TESK2: variants seen among roughly 807,000 people sequenced by gnomAD.
TESK2 encodes the protein dual specificity testis-specific protein kinase 2.
In TESK2, 39 loss-of-function variants were observed where a neutral mutation model predicts 57.1. The observed-to-expected ratio is 0.68, with a 90% CI of 0.53 to 0.89. TESK2 has a LOEUF of 0.89. Ranked by LOEUF, TESK2 falls within the 40% of genes least tolerant of loss-of-function variation. TESK2 has a pLI of 0.00. For missense variants in TESK2, 646 were observed against 732.1 expected, an observed-to-expected ratio of 0.88 and a Z score of 1.36; for synonymous variants, 249 against 267.9, an observed-to-expected ratio of 0.93 and a Z score of 0.69.
At chr1:45,482,296 G>A (rs1420924410) in intron 1 of TESK2, among the ~76,000 whole-genome samples, 1 of 152,132 alleles carries the variant, frequency 6.6e-6, no homozygotes, top group Non-Finnish European at 1.5e-5. Context: ...GGAGGCTGAA[G>A]GCAGGAGGAT....
intron 1 of TESK2, among the ~76,000 whole-genome samples, chr1:45,484,104 C>CTTT (rs533666070): frequency 5.4e-4 from 46 of 84,862 alleles, no homozygotes; most frequent in African/African-American, 7.4e-4. Flanking sequence ...TTTAATTCTT[C>CTTT]TTTTTTTTTT....
intron 3 of TESK2, among the ~76,000 whole-genome samples, chr1:45,416,882 G>A (rs997446539): frequency 8.6e-5 from 13 of 151,912 alleles, no homozygotes; most frequent in Admixed American, 8.5e-4. Context: ...CGCCTCTCGG[G>A]TTCAAGTGAT....
Position 45,345,421 on chromosome 1 carries a change from T to C in TESK2, c.1135A>G (p.Thr379Ala). Residue 379 changes from threonine (T) to alanine (A), a missense_variant, in exon 11 of 11, where the codon ACA becomes GCA. Thr to Ala is a moderately conservative substitution (Grantham distance 58). Coordinates refer to ENST00000372086, the MANE Select transcript of TESK2 (RefSeq NM_007170.3). The stretch of plus-strand genomic sequence containing the variant: ...TAGTATGGGTCCAAGACACTCACTG[T>C]ACGTGGGGGCTTACGGGAAAAGATA... ...SDIFSRKPPR[T>A]VSVLDPYYRP... is the part of the protein sequence containing the mutation. 1 of 1,614,130 alleles carries C rather than the reference T, an allele frequency of 6.2e-7. No homozygotes were observed. Among genetic ancestry groups the C allele is most frequent in the Non-Finnish European group, 8.5e-7 (1 of 1,180,028 alleles).
chr1:45,399,460 A>G (rs1292642831), intron 3 of TESK2, among the ~76,000 whole-genome samples: 1 of 152,140 alleles, frequency 6.6e-6, no homozygotes, highest in Non-Finnish European at 1.5e-5. Flanking sequence ...GATTATAGGC[A>G]TGCGCCACCA....
chr1:45,418,254 A>G (rs1004890210), intron 3 of TESK2, among the ~76,000 whole-genome samples: 7 of 152,224 alleles, frequency 4.6e-5, no homozygotes, highest in Non-Finnish European at 8.8e-5. Context: ...TACTTAAAAT[A>G]TGATCATCTT....
At chr1:45,349,345 G>A (rs1399260281) in intron 5 of TESK2, among the ~76,000 whole-genome samples, 1 of 152,144 alleles carries the variant, frequency 6.6e-6, no homozygotes, top group African/African-American at 2.4e-5. Flanking sequence ...CAGTTCTTGT[G>A]CTTGTCCTGG....
intron 1 of TESK2, among the ~76,000 whole-genome samples, chr1:45,460,347 C>T (rs1186433302): frequency 6.6e-6 from 1 of 151,974 alleles, no homozygotes; most frequent in Non-Finnish European, 1.5e-5. Flanking sequence ...GCAAAACCCT[C>T]TCTCTACGAA....
At chr1:45,479,961 T>TAC (rs1480676463) in intron 1 of TESK2, among the ~76,000 whole-genome samples, 1 of 151,522 alleles carries the variant, frequency 6.6e-6, no homozygotes, top group Non-Finnish European at 1.5e-5. Context: ...TAGCTGGAAC[T>TAC]ACAGGCGCAT....
chr1:45,437,476 A>C (rs975069579), intron 2 of TESK2, among the ~76,000 whole-genome samples: 6 of 152,174 alleles, frequency 3.9e-5, no homozygotes, highest in African/African-American at 1.4e-4. Context: ...TCTAGATATA[A>C]GATCATTTTA....
chr1:45,453,760 T>C (rs1178743751), intron 2 of TESK2, among the ~76,000 whole-genome samples: 1 of 152,050 alleles, frequency 6.6e-6, no homozygotes, highest in Admixed American at 6.6e-5. Context: ...AAACTACAAA[T>C]TGTGAGAAAA....
Position 45,434,152 on chromosome 1 carries a change from C to A in TESK2, c.223-12306G>T, listed in dbSNP as rs75659881. Among the ~76,000 whole-genome samples, 91 of 152,200 alleles carry A rather than the reference C, an allele frequency of 6.0e-4. 1 individual carries two copies. In the East Asian group the frequency reaches 0.013, roughly 22 times the overall value. On this transcript the variant is annotated intron_variant, in intron 2 of 10. Transcript: ENST00000372086. ...GGGACTACAGGCATGTGCCAGCACA[C>A]CCAGTTAATTTTTGTATTTTTGGTA...
rs71052870 is a variant in TESK2 at position 45,384,389 on chromosome 1, GTCTATCTATCTA to G, written c.393+1511_393+1522del. 1.3e-3 allele frequency among the ~76,000 whole-genome samples: 184 copies of G among 144,370 alleles called. 2 individuals carry two copies. Among genetic ancestry groups the G allele is most frequent in the Middle Eastern group, 0.01 (3 of 286 alleles). 94.7% of individuals were successfully genotyped at this position (144,370 alleles called of 152,430 possible). ...TATCTATCTATCTATCTATCTATCT[GTCTATCTATCTA>G]TCTATCTATCTATCTATCTATCTAT... is the stretch of plus-strand genomic sequence containing the variant. On this transcript the variant is annotated intron_variant, in intron 4 of 10. Transcript: ENST00000372086.
At chr1:45,408,283 T>C (rs974476593) in intron 3 of TESK2, among the ~76,000 whole-genome samples, 1 of 152,200 alleles carries the variant, frequency 6.6e-6, no homozygotes, top group Non-Finnish European at 1.5e-5. Context: ...AAGTAGGAAA[T>C]CATTTTCTCT....
At chr1:45,478,786 C>T (rs151312055) in intron 1 of TESK2, among the ~76,000 whole-genome samples, 15 of 151,638 alleles carry the variant, frequency 9.9e-5, no homozygotes, top group African/African-American at 3.6e-4. Context: ...AGCAGTGGCA[C>T]AATCTCAGCT....
Position 45,347,623 on chromosome 1 carries a change from G to C in TESK2, c.694C>G (p.Pro232Ala), listed in dbSNP as rs772954937. 3 of 1,613,962 alleles carry C rather than the reference G, an allele frequency of 1.9e-6. No individual in the cohort carries two copies. The Admixed American group carries it at 5.0e-5, about 27-fold the overall frequency. The change falls in exon 7 of 11, where the codon CCC becomes GCC. Residue 232 changes from proline to alanine, a missense_variant. By Grantham distance (27) the Pro-to-Ala change is conservative. Coordinates refer to ENST00000372086, the MANE Select transcript of TESK2 (RefSeq NM_007170.3). ...WMAPEVLRDE[P>A]YNEKADVFSY... ...TCCAAACTTACCTTTTCATTATAGG[G>C]CTCATCTCGGAGAACCTCAGGTGCC...
intron 1 of TESK2, among the ~76,000 whole-genome samples, chr1:45,470,394 T>A (rs1387061095): frequency 1.3e-5 from 2 of 152,170 alleles, no homozygotes; most frequent in African/African-American, 4.8e-5. Flanking sequence ...TAATTAAAAA[T>A]AAAAGCAATA....
intron 4 of TESK2, among the ~76,000 whole-genome samples, chr1:45,380,360 A>G (rs1243302973): frequency 6.6e-6 from 1 of 152,188 alleles, no homozygotes; most frequent in Admixed American, 6.5e-5. Flanking sequence ...CTAGCCACTG[A>G]GAGTTTCTGC....
intron 2 of TESK2, 85 bp downstream of exon 2, chr1:45,457,479 C>T: frequency 7.8e-7 from 1 of 1,284,798 alleles, no homozygotes; most frequent in African/African-American, 1.5e-5. Flanking sequence ...TAGGCAAATC[C>T]TACATCCTAA....
rs1649858776 is a variant in TESK2, at chr1:45,406,579, C to T, written c.344+15146G>A. ...CTGAGGCAGGAGGATCGTTTGAGCCCAGGAGGTCGAGGCTGCAGTAACCCA... is the reference window on the plus strand; with the variant it reads ...CTGAGGCAGGAGGATCGTTTGAGCCTAGGAGGTCGAGGCTGCAGTAACCCA... On this transcript the variant is annotated intron_variant, in intron 3 of 10. Transcript: ENST00000372086. Among the ~76,000 whole-genome samples, 5 of 152,058 alleles carry T rather than the reference C, an allele frequency of 3.3e-5. No individual in the cohort carries two copies. The South Asian group carries it at 1.0e-3, about 32-fold the overall frequency.
Sources: gnomAD v4.1 joint callset for allele counts (sites outside exome capture counted in the v4.1 genomes callset) on GRCh38, gnomAD v4.1.1 for gene constraint, MANE v1.5 for transcripts, NCBI Gene and HGNC (gene_info 2026-07-23, HGNC 2026-07-21) for gene names.